MAP4K3: variants seen among roughly 807,000 people sequenced by gnomAD.
MAP4K3 encodes the protein mitogen-activated protein kinase kinase kinase kinase 3.
A neutral mutation model predicts 143.5 loss-of-function variants in MAP4K3; 94 were observed. The ratio of observed to expected loss-of-function variants is 0.65; its 90% confidence interval spans 0.55 to 0.78. The LOEUF (loss-of-function observed/expected upper bound fraction) is 0.78. Ranked by LOEUF, MAP4K3 falls within the 30% of genes least tolerant of loss-of-function variation. MAP4K3 has a pLI of 0.00. For synonymous variants in MAP4K3, 416 were observed against 347.2 expected, an observed-to-expected ratio of 1.20 and a Z score of -2.20; for missense variants, 1,077 against 1,068.1, an observed-to-expected ratio of 1.01 and a Z score of -0.12.
Position 39,376,701 on chromosome 2 carries a change from AG to A in MAP4K3, c.154+1364del, listed in dbSNP as rs1233649905. On this transcript the variant is annotated intron_variant, in intron 2 of 33. Coordinates refer to ENST00000263881, the MANE Select transcript of MAP4K3 (RefSeq NM_003618.4). ...TAATCACTCAGGAGTCATCTTAATT[AG>A]ACCCAGGGTCAAGCAAGGCTTCCTG... 2.0e-5 allele frequency among the ~76,000 whole-genome samples: 3 copies of A among 152,338 alleles called. No homozygotes were observed. In the South Asian group the frequency reaches 6.2e-4, roughly 32 times the overall value.
At chr2:39,383,732 C>A (rs180976059) in intron 1 of MAP4K3, among the ~76,000 whole-genome samples, 14 of 152,112 alleles carry the variant, frequency 9.2e-5, no homozygotes. Flanking sequence ...AAACCCTGAG[C>A]TGACATGAAA....
In MAP4K3 at chr2:39,369,205, G is replaced by GTTTTTTTTTTGTTT. The variant is rs68013609; in HGVS notation, c.154+8860_154+8861insAAACAAAAAAAAAA. Among the ~76,000 whole-genome samples, 3 of 125,380 alleles carry GTTTTTTTTTTGTTT rather than the reference G, an allele frequency of 2.4e-5. No individual in the cohort carries two copies. The Admixed American group carries it at 2.6e-4, about 11-fold the overall frequency. The allele number at this position is 125,380 out of a possible 152,430, so 82.3% of individuals were successfully genotyped here. On this transcript the variant is annotated intron_variant, in intron 2 of 33. Transcript: ENST00000263881. ...AACCTTTGGGCTAGTTTTTTTTTTT[G>GTTTTTTTTTTGTTT]TTTTTTTTGAGATGCAGTTTTGCTC...
chr2:39,361,404 TA>T (rs1665767182), intron 2 of MAP4K3, among the ~76,000 whole-genome samples: 1 of 151,900 alleles, frequency 6.6e-6, no homozygotes, highest in South Asian at 2.1e-4. Flanking sequence ...ATAAATGAAT[TA>T]ATGAATTATT....
chr2:39,380,651 T>C (rs542626917), intron 1 of MAP4K3, among the ~76,000 whole-genome samples: 34 of 152,188 alleles, frequency 2.2e-4, no homozygotes, highest in Non-Finnish European at 4.4e-4. Context: ...AACACTGATC[T>C]GACCACCATT....
chr2:39,328,417 A>C (rs1436866370), intron 8 of MAP4K3, among the ~76,000 whole-genome samples: 2 of 152,180 alleles, frequency 1.3e-5, no homozygotes, highest in Non-Finnish European at 2.9e-5. Flanking sequence ...AAGATGAGCC[A>C]AAAAACCTGG....
chr2:39,315,265 T>TATTTTC, intron 13 of MAP4K3, 45 bp downstream of exon 13: 2 of 1,304,398 alleles, frequency 1.5e-6, no homozygotes, highest in Non-Finnish European at 2.1e-6. Flanking sequence ...AATTATAACT[T>TATTTTC]ATTTTCTATC....
rs188918552 is a variant in MAP4K3 at position 39,272,579 on chromosome 2, T to C, written c.1795-37A>G. 43 of 1,528,244 alleles carry C rather than the reference T, an allele frequency of 2.8e-5. 1 individual carries two copies. In the East Asian group the frequency reaches 9.0e-4, roughly 32 times the overall value. 94.7% of individuals were successfully genotyped at this position (1,528,244 alleles called of 1,614,324 possible). A position where few individuals can be genotyped will look rare whatever the true frequency, so the allele number is the denominator to read the frequency against. ...AAGGCACAAAGTTTACAAAGAATAA[T>C]ACATAATGGCAATGTAAATCTGTAC... On this transcript the variant is annotated intron_variant, in intron 24 of 33. Transcript: ENST00000263881.
chr2:39,333,682 ATACT>A (rs1683755356), intron 6 of MAP4K3, 108 bp from the exon 7 acceptor site: 1 of 565,008 alleles, frequency 1.8e-6, no homozygotes, highest in Middle Eastern at 4.7e-4. Flanking sequence ...AGACCTAGAA[ATACT>A]TAAAGTGTGC....
At chr2:39,265,442 T>G (rs1435470215) in intron 27 of MAP4K3, 136 bp from the exon 28 acceptor site, 3 of 703,060 alleles carry the variant, frequency 4.3e-6, no homozygotes, top group African/African-American at 1.8e-5. Flanking sequence ...CAGTTCAGTT[T>G]CTTAATTAGA....
At chr2:39,377,734 C>T (rs1400190984) in intron 2 of MAP4K3, among the ~76,000 whole-genome samples, 3 of 152,078 alleles carry the variant, frequency 2.0e-5, no homozygotes, top group South Asian at 2.1e-4. Flanking sequence ...CTGTTTTTTC[C>T]ACTACATCAC....
At chr2:39,283,914 C>A in intron 21 of MAP4K3, 1 of 152,058 alleles carries the variant, frequency 6.6e-6, no homozygotes, top group East Asian at 1.9e-4. Context: ...ATCACTTAAA[C>A]AATGAGATGA....
intron 15 of MAP4K3, among the ~76,000 whole-genome samples, chr2:39,303,398 T>C (rs1442197929): frequency 1.3e-5 from 2 of 152,164 alleles, no homozygotes; most frequent in South Asian, 2.1e-4. Flanking sequence ...TTAAGGAGCC[T>C]GAAAATGGAA....
intron 1 of MAP4K3, among the ~76,000 whole-genome samples, chr2:39,410,907 T>G (rs1667215765): frequency 6.6e-6 from 1 of 152,200 alleles, no homozygotes; most frequent in African/African-American, 2.4e-5. Flanking sequence ...TGTCATCTTT[T>G]CAAAGAAACA....
rs373484279 is a variant in MAP4K3, at chr2:39,345,686, G to A, written c.246-2234C>T. ...TGTAATTCCAGCACTTTGGGAGGCC[G>A]AGGCGGGCGGATCACGAGGTCAGGA... On this transcript the variant is annotated intron_variant, in intron 3 of 33. Transcript: ENST00000263881. Among the ~76,000 whole-genome samples, 29 of 152,126 alleles carry A rather than the reference G, an allele frequency of 1.9e-4. No individual in the cohort carries two copies. The East Asian group carries it at 3.1e-3, about 16-fold the overall frequency.
chr2:39,309,420 A>G (rs746746970), intron 14 of MAP4K3, 41 bp downstream of exon 14: 2 of 1,439,578 alleles, frequency 1.4e-6, no homozygotes, highest in East Asian at 4.6e-5. Flanking sequence ...AAATTAAAAC[A>G]TTTATTTTCA....
chr2:39,315,709 T>C (rs752383159), intron 12 of MAP4K3, among the ~76,000 whole-genome samples: 3 of 152,166 alleles, frequency 2.0e-5, no homozygotes, highest in Non-Finnish European at 4.4e-5. Context: ...TCTAGATCCA[T>C]TCTACAAGGA....
chr2:39,258,591 CA>C lies in MAP4K3; in HGVS notation c.2309-5del. 1 of 1,608,306 alleles carries C rather than the reference CA, an allele frequency of 6.2e-7. No homozygotes were observed. Among genetic ancestry groups the C allele is most frequent in the Non-Finnish European group, 8.5e-7 (1 of 1,174,946 alleles). ...GTAACATTTGTCTGTGGGGTATCTA[CA>C]ATACAAACAAATTTTGGTAAACCTA... On this transcript the variant is annotated splice_region_variant and splice_polypyrimidine_tract_variant and intron_variant, in intron 29 of 33. Coordinates refer to ENST00000263881, the MANE Select transcript of MAP4K3 (RefSeq NM_003618.4).
At chr2:39,267,127 G>A in intron 27 of MAP4K3, 62 bp downstream of exon 27, 2 of 1,515,334 alleles carry the variant, frequency 1.3e-6, no homozygotes, top group Non-Finnish European at 1.8e-6. Flanking sequence ...GGGTAGTACT[G>A]TTTTATGCCA....
chr2:39,282,843 C>T (rs574791209), intron 21 of MAP4K3, among the ~76,000 whole-genome samples: 7 of 152,240 alleles, frequency 4.6e-5, no homozygotes, highest in Admixed American at 4.6e-4. Flanking sequence ...TATGTAAATA[C>T]ATGTTCCCAT....
Sources: gnomAD v4.1 joint callset for allele counts (sites outside exome capture counted in the v4.1 genomes callset) on GRCh38, gnomAD v4.1.1 for gene constraint, MANE v1.5 for transcripts, NCBI Gene and HGNC (gene_info 2026-07-23, HGNC 2026-07-21) for gene names.